ARL15: variants seen among roughly 807,000 people sequenced by gnomAD.
ARL15 encodes the protein ADP-ribosylation factor-like protein 15.
In ARL15, 19 loss-of-function variants were observed where a neutral mutation model predicts 25.2. The observed-to-expected ratio is 0.75, with a 90% CI of 0.53 to 1.10. ARL15 has a LOEUF of 1.10. ARL15 is among the 50% of genes least tolerant of loss of function. The pLI is 0.00. For missense variants in ARL15, 220 were observed against 246.0 expected, an observed-to-expected ratio of 0.89 and a Z score of 0.71; for synonymous variants, 94 against 86.8, an observed-to-expected ratio of 1.08 and a Z score of -0.46.
chr5:54,139,532 G>A (rs1753711145), intron 3 of ARL15, among the ~76,000 whole-genome samples: 1 of 152,092 alleles, frequency 6.6e-6, no homozygotes, highest in Admixed American at 6.5e-5. Flanking sequence ...CTGGGAGGTG[G>A]GTAAGGGATA....
intron 4 of ARL15, among the ~76,000 whole-genome samples, chr5:53,902,074 CTT>C (rs1441677833): frequency 6.6e-6 from 1 of 152,220 alleles, no homozygotes; most frequent in Non-Finnish European, 1.5e-5. Context: ...TTTGAGGTAA[CTT>C]AACGTTAGCT....
At chr5:54,051,158 C>T (rs1264752866) in intron 4 of ARL15, among the ~76,000 whole-genome samples, 1 of 152,178 alleles carries the variant, frequency 6.6e-6, no homozygotes, top group Non-Finnish European at 1.5e-5. Context: ...TCCTTTGTGG[C>T]ACATGCGTCA....
At chr5:54,125,614 T>C (rs1753227414) in intron 3 of ARL15, among the ~76,000 whole-genome samples, 2 of 152,254 alleles carry the variant, frequency 1.3e-5, no homozygotes, top group Non-Finnish European at 2.9e-5. Context: ...TTATTGCGAA[T>C]AGAGTGGCCA....
chr5:54,102,229 C>T (rs1019769191), intron 4 of ARL15, among the ~76,000 whole-genome samples: 2 of 152,064 alleles, frequency 1.3e-5, no homozygotes, highest in African/African-American at 4.8e-5. Flanking sequence ...CCAGGCTTGT[C>T]TCAAACTCCT....
At chr5:54,139,539 G>A (rs1753711311) in intron 3 of ARL15, among the ~76,000 whole-genome samples, 1 of 151,978 alleles carries the variant, frequency 6.6e-6, no homozygotes, top group African/African-American at 2.4e-5. Context: ...GTGGGTAAGG[G>A]ATAAAAAACA....
At chr5:54,044,027 T>C (rs1750429500) in intron 4 of ARL15, among the ~76,000 whole-genome samples, 1 of 151,732 alleles carries the variant, frequency 6.6e-6, no homozygotes, top group African/African-American at 2.4e-5. Context: ...ACTCAGAAAA[T>C]TCTATCTCGT....
chr5:54,049,122 T>A (rs1026616850), intron 4 of ARL15, among the ~76,000 whole-genome samples: 1 of 152,096 alleles, frequency 6.6e-6, no homozygotes, highest in South Asian at 2.1e-4. Flanking sequence ...AAAACAAATA[T>A]CTAGTGTGCT....
intron 3 of ARL15, among the ~76,000 whole-genome samples, chr5:54,122,639 G>T (rs1753119705): frequency 6.6e-6 from 1 of 152,156 alleles, no homozygotes. Flanking sequence ...CAGGCAGCAT[G>T]GGTTAAGGCA....
chr5:54,029,351 CACCACCACCACCACCACCACCACCACT>C (rs1170763849), intron 4 of ARL15, among the ~76,000 whole-genome samples: 4 of 135,738 alleles, frequency 2.9e-5, no homozygotes, highest in Admixed American at 7.5e-5. Flanking sequence ...CCACCACCAC[CACCACCACCACCACCACCACCACCACT>C]ACACCTAGAG....
At chr5:53,917,784 C>A (rs1461113086) in intron 4 of ARL15, among the ~76,000 whole-genome samples, 2 of 152,160 alleles carry the variant, frequency 1.3e-5, no homozygotes, top group Non-Finnish European at 2.9e-5. Context: ...GCTCTAATCC[C>A]TCATCTATCA....
chr5:54,144,787 G>C lies in ARL15; in HGVS notation c.253+9793C>G, dbSNP rs562694228. On this transcript the variant is annotated intron_variant, in intron 3 of 4. Coordinates refer to ENST00000504924, the MANE Select transcript of ARL15 (RefSeq NM_019087.3). ...CACCTGGCAGTCAGCACATTACTGA[G>C]GCACTGCCCTACCTCTCTGGGTCTA... Among the ~76,000 whole-genome samples, 25 of 152,264 alleles carry C rather than the reference G, an allele frequency of 1.6e-4. No individual in the cohort carries two copies. The East Asian group carries it at 4.4e-3, about 27-fold the overall frequency.
chr5:54,167,649 T>C (rs1754612618), intron 2 of ARL15, among the ~76,000 whole-genome samples: 1 of 152,168 alleles, frequency 6.6e-6, no homozygotes, highest in South Asian at 2.1e-4. Context: ...ATATTCAGTC[T>C]TGCCTTTTCC....
intron 1 of ARL15, among the ~76,000 whole-genome samples, chr5:54,269,811 A>G (rs145633006): frequency 0.017 from 2,547 of 152,112 alleles, 78 homozygotes; most frequent in African/African-American, 0.059. Context: ...ACACCCAGCT[A>G]ATTTTTTGTA....
Position 54,274,198 on chromosome 5 carries a change from G to A in ARL15, c.48+36234C>T, listed in dbSNP as rs115804926. Among the ~76,000 whole-genome samples the A allele has an allele frequency of 8.3e-3, 1,261 of 152,132 alleles. 21 individuals are homozygous for A. Among genetic ancestry groups the A allele is most frequent in the African/African-American group, 0.029 (1,197 of 41,426 alleles). On this transcript the variant is annotated intron_variant, in intron 1 of 4. Coordinates refer to ENST00000504924, the MANE Select transcript of ARL15 (RefSeq NM_019087.3). ...GCCCAGGGCATGAGCAGGTTTAGGG[G>A]CAGCAAGAGAGTCGGCTGACGCTGG... is the stretch of plus-strand genomic sequence containing the variant.
chr5:54,193,513 G>A (rs982404915), intron 1 of ARL15, among the ~76,000 whole-genome samples: 3 of 152,060 alleles, frequency 2.0e-5, no homozygotes, highest in South Asian at 2.1e-4. Flanking sequence ...TCATAGAAGC[G>A]GGAACCCTAC....
chr5:54,013,523 A>C (rs1458174686), intron 4 of ARL15, among the ~76,000 whole-genome samples: 1 of 152,218 alleles, frequency 6.6e-6, no homozygotes, highest in African/African-American at 2.4e-5. Context: ...AAAAGCCACA[A>C]GATTAGAATT....
chr5:54,078,553 C>T (rs1426874877), intron 4 of ARL15, among the ~76,000 whole-genome samples: 1 of 152,134 alleles, frequency 6.6e-6, no homozygotes, highest in Non-Finnish European at 1.5e-5. Flanking sequence ...AAAGCATTGG[C>T]CCATGGCAAA....
At chr5:54,137,719 A>T (rs1353161492) in intron 3 of ARL15, among the ~76,000 whole-genome samples, 1 of 152,226 alleles carries the variant, frequency 6.6e-6, no homozygotes, top group Non-Finnish European at 1.5e-5. Flanking sequence ...ATATTGTTCC[A>T]GATGATAAAT....
intron 4 of ARL15, among the ~76,000 whole-genome samples, chr5:53,972,666 G>C (rs1446832955): frequency 6.6e-6 from 1 of 151,968 alleles, no homozygotes; most frequent in Non-Finnish European, 1.5e-5. Flanking sequence ...AGACTTTAGA[G>C]CCAGAAATCA....
Sources: allele counts gnomAD v4.1 joint callset (sites outside exome capture counted in the v4.1 genomes callset), GRCh38; gene constraint gnomAD v4.1.1; transcripts MANE v1.5; gene names NCBI Gene and HGNC (gene_info 2026-07-23, HGNC 2026-07-21).